Variants in CAPN5 observed in about 807,000 individuals in gnomAD.
CAPN5 encodes calpain 5.
In CAPN5, 54 loss-of-function variants were observed where a neutral mutation model predicts 73.0. The ratio of observed to expected loss-of-function variants is 0.74; its 90% CI spans 0.59 to 0.93. CAPN5 has a LOEUF of 0.93. Ranked by LOEUF, CAPN5 falls within the 40% of genes least tolerant of loss-of-function variation. The probability of loss-of-function intolerance (pLI) is 0.00; values close to 1 mark genes in which losing one functional copy is unlikely to be tolerated. For synonymous variants in CAPN5, 335 were observed against 356.9 expected, an observed-to-expected ratio of 0.94 and a Z score of 0.69; for missense variants, 785 against 882.9, an observed-to-expected ratio of 0.89 and a Z score of 1.41.
intron 3 of CAPN5, among the ~76,000 whole-genome samples, chr11:77,107,274 A>G (rs1477290836): frequency 1.3e-5 from 2 of 152,184 alleles, no homozygotes; most frequent in Admixed American, 1.3e-4. Flanking sequence ...AGGACTCACA[A>G]AGGCCCGTGG....
intron 3 of CAPN5, chr11:77,103,254 A>G: frequency 6.2e-7 from 1 of 1,613,484 alleles, no homozygotes; most frequent in South Asian, 1.1e-5. Flanking sequence ...CCGCAAGGTC[A>G]TGTACTTCCT....
At chr11:77,117,061 G>A (rs1257067916) in intron 7 of CAPN5, among the ~76,000 whole-genome samples, 1 of 151,972 alleles carries the variant, frequency 6.6e-6, no homozygotes, top group Non-Finnish European at 1.5e-5. Context: ...AGCATAGTGG[G>A]ACCCCATCTC....
intron 3 of CAPN5, among the ~76,000 whole-genome samples, chr11:77,107,348 C>T (rs1372888894): frequency 2.0e-5 from 3 of 152,326 alleles, no homozygotes; most frequent in Middle Eastern, 3.4e-3. Context: ...ACAGCCCTGG[C>T]GGCGTGGCTC....
chr11:77,077,052 C>T (rs1225224817), intron 1 of CAPN5, among the ~76,000 whole-genome samples: 4 of 152,140 alleles, frequency 2.6e-5, no homozygotes, highest in African/African-American at 4.8e-5. Context: ...TTATAAAAGA[C>T]GTATCTTTTG....
chr11:77,084,447 G>A (rs1187222255), intron 1 of CAPN5, among the ~76,000 whole-genome samples: 1 of 152,176 alleles, frequency 6.6e-6, no homozygotes, highest in Non-Finnish European at 1.5e-5. Context: ...CTAGAGGTGG[G>A]GAGGGAAACC....
Position 77,121,681 on chromosome 11 carries a change from GCACACAGCAGGTGCT to G in CAPN5, c.1488-250_1488-236del, listed in dbSNP as rs369510872. Among the ~76,000 whole-genome samples, 284 of 152,348 alleles carry G rather than the reference GCACACAGCAGGTGCT, an allele frequency of 1.9e-3. 1 individual carries two copies. Among genetic ancestry groups the G allele is most frequent in the African/African-American group, 6.4e-3 (267 of 41,584 alleles). ...ACCCATAACGCCAGCAGGGGGCTTG[GCACACAGCAGGTGCT>G]CAGTAAGGTGCCTTTCCCCTGGGGA... On this transcript the variant is annotated intron_variant, in intron 10 of 12. Transcript: ENST00000648180.
In CAPN5 at chr11:77,103,586, G is replaced by A. The variant is rs568512335; in HGVS notation, c.298-9003G>A. On this transcript the variant is annotated intron_variant, in intron 3 of 12. Transcript: ENST00000648180. ...TGCTGCATTGCTATAGACGATAGAG[G>A]CCTACTAGGGGCCAGTGTGCATGGA... Among the ~76,000 whole-genome samples the A allele has an allele frequency of 2.0e-5, 3 of 152,310 alleles. No homozygotes were observed. The South Asian group carries it at 6.2e-4, about 32-fold the overall frequency.
At chr11:77,109,523 A>T (rs1950389487) in intron 3 of CAPN5, among the ~76,000 whole-genome samples, 1 of 152,236 alleles carries the variant, frequency 6.6e-6, no homozygotes, top group Non-Finnish European at 1.5e-5. Flanking sequence ...TGCTCAAATT[A>T]GCCCATCTTT....
intron 1 of CAPN5, among the ~76,000 whole-genome samples, chr11:77,069,626 A>C (rs1555032710): frequency 6.6e-6 from 1 of 152,050 alleles, no homozygotes; most frequent in African/African-American, 2.4e-5. Flanking sequence ...AGCTGCAAAG[A>C]GCAGGGTCTG....
chr11:77,085,542 A>C (rs1244387937), intron 2 of CAPN5, among the ~76,000 whole-genome samples: 5 of 152,214 alleles, frequency 3.3e-5, no homozygotes, highest in African/African-American at 9.7e-5. Flanking sequence ...TACCTACCTC[A>C]TAGAGTGGTT....
chr11:77,116,132 C>A, intron 6 of CAPN5, 94 bp from the exon 7 acceptor site: 1 of 1,146,874 alleles, frequency 8.7e-7, no homozygotes, highest in African/African-American at 1.5e-5. Context: ...TGGTGCAAGA[C>A]TGCCCCTCGT....
At chr11:77,084,037 G>T (rs561295672) in intron 1 of CAPN5, among the ~76,000 whole-genome samples, 1 of 152,206 alleles carries the variant, frequency 6.6e-6, no homozygotes. Context: ...GGATGGGGGC[G>T]TGGATCATAA....
chr11:77,082,198 C>T (rs577850487), intron 1 of CAPN5, among the ~76,000 whole-genome samples: 118 of 152,128 alleles, frequency 7.8e-4, no homozygotes, highest in African/African-American at 2.7e-3. Flanking sequence ...CGAGGAGCTC[C>T]GAGCCCCAGA....
intron 3 of CAPN5, among the ~76,000 whole-genome samples, chr11:77,107,323 T>C (rs1950362080): frequency 6.6e-6 from 1 of 152,330 alleles, no homozygotes; most frequent in Admixed American, 6.5e-5. Context: ...GAAACCTCCC[T>C]GTAGCCCCCA....
At chr11:77,103,581 T>C (rs1470944871) in intron 3 of CAPN5, among the ~76,000 whole-genome samples, 1 of 152,132 alleles carries the variant, frequency 6.6e-6, no homozygotes, top group Non-Finnish European at 1.5e-5. Context: ...CTATAGACGA[T>C]AGAGGCCTAC....
intron 3 of CAPN5, among the ~76,000 whole-genome samples, chr11:77,104,852 C>T (rs1367114752): frequency 6.6e-6 from 1 of 152,206 alleles, no homozygotes; most frequent in Non-Finnish European, 1.5e-5. Flanking sequence ...CTGGGGCTGC[C>T]GGGAGGGTGA....
intron 1 of CAPN5, among the ~76,000 whole-genome samples, chr11:77,073,574 C>T (rs561539313): frequency 6.6e-6 from 1 of 152,164 alleles, no homozygotes; most frequent in Non-Finnish European, 1.5e-5. Context: ...GGGGACATCA[C>T]GGCTGCAGGA....
chr11:77,125,139 CCTT>C lies in CAPN5; in HGVS notation c.*1272_*1274del. The stretch of plus-strand genomic sequence containing the variant: ...GACCCACTTGGGATCTCTGCTGTGC[CCTT>C]CTCGGGCTTCCAGACCAGGTGTAGC... On this transcript the variant is annotated 3_prime_UTR_variant, in exon 13 of 13. Transcript: ENST00000648180. 6.6e-6 allele frequency: 1 copy of C among 152,448 alleles called. No individual in the cohort carries two copies. The highest frequency in any genetic ancestry group is 1.9e-4 in the East Asian group (1 of 5,200). 9.4% of individuals were successfully genotyped at this position (152,448 alleles called of 1,614,324 possible).
Position 77,123,725 on chromosome 11 carries a change from G to T in CAPN5, c.1778G>T (p.Gly593Val). 1 of 1,613,738 alleles carries T rather than the reference G, an allele frequency of 6.2e-7. No individual in the cohort carries two copies. Among genetic ancestry groups the T allele is most frequent in the Non-Finnish European group, 8.5e-7 (1 of 1,179,904 alleles). ...CGAGTGCTGAAGGATGAATTTCTGG[G>T]CCAGGTGCACCTAAAGGCTGACCCG... ...NHRVLKDEFLGQVHLKADPDN... is the reference protein window; with the variant it reads ...NHRVLKDEFLVQVHLKADPDN... The change falls in exon 13 of 13, where the codon GGC (glycine) becomes GTC (valine). Residue 593 changes from glycine to valine, a missense_variant. Physicochemically the swap from Gly to Val is moderately radical, Grantham distance 109. Transcript: ENST00000648180.
Sources: gnomAD v4.1 joint callset for allele counts (sites outside exome capture counted in the v4.1 genomes callset) on GRCh38, gnomAD v4.1.1 for gene constraint, MANE v1.5 for transcripts, NCBI Gene and HGNC (gene_info 2026-07-23, HGNC 2026-07-21) for gene names.